Variants in SH3GL2 observed in about 807,000 individuals in gnomAD.
SH3GL2 encodes the protein endophilin-A1.
Under a neutral mutation model 46.0 loss-of-function variants are expected in SH3GL2, and 24 were observed. That is an observed-to-expected ratio of 0.52 (90% CI 0.38 to 0.73). SH3GL2 has a LOEUF of 0.73. Ranked by LOEUF, SH3GL2 falls within the 30% of genes least tolerant of loss-of-function variation. SH3GL2 has a pLI of 0.00. For missense variants in SH3GL2, 413 were observed against 424.2 expected (o/e 0.97, Z 0.23); for synonymous variants, 196 against 147.1 (o/e 1.33, Z -2.40).
At chr9:17,652,862 A>G (rs1397865855) in intron 1 of SH3GL2, among the ~76,000 whole-genome samples, 1 of 152,006 alleles carries the variant, frequency 6.6e-6, no homozygotes, top group Non-Finnish European at 1.5e-5. Context: ...ACTTCCTTCT[A>G]TATTTTGTGG....
At chr9:17,646,992 G>T (rs1284264634) in intron 1 of SH3GL2, among the ~76,000 whole-genome samples, 4 of 152,134 alleles carry the variant, frequency 2.6e-5, no homozygotes, top group Non-Finnish European at 5.9e-5. Flanking sequence ...CCTTCCCCCA[G>T]TTGTTCTGTC....
At chr9:17,726,054 GAA>G (rs1822013340) in intron 1 of SH3GL2, among the ~76,000 whole-genome samples, 1 of 152,124 alleles carries the variant, frequency 6.6e-6, no homozygotes, top group Non-Finnish European at 1.5e-5. Context: ...ATATTTTCTT[GAA>G]GAGATGTTTC....
At chr9:17,613,186 C>G (rs537111213) in intron 1 of SH3GL2, among the ~76,000 whole-genome samples, 1 of 152,188 alleles carries the variant, frequency 6.6e-6, no homozygotes, top group East Asian at 1.9e-4. Flanking sequence ...TCTGATGCCA[C>G]GTACTCTAGA....
intron 1 of SH3GL2, among the ~76,000 whole-genome samples, chr9:17,661,159 C>A (rs1419389030): frequency 6.6e-6 from 1 of 151,682 alleles, no homozygotes; most frequent in African/African-American, 2.4e-5. Flanking sequence ...AAGACTCCGT[C>A]TCAAAAAACA....
chr9:17,780,437 GT>G (rs1445735940), intron 3 of SH3GL2, among the ~76,000 whole-genome samples: 2 of 147,494 alleles, frequency 1.4e-5, no homozygotes, highest in African/African-American at 2.5e-5. Flanking sequence ...GCATTTAGGT[GT>G]TTGCATTTTC....
intron 3 of SH3GL2, among the ~76,000 whole-genome samples, chr9:17,767,743 G>A (rs1823354713): frequency 6.6e-6 from 1 of 152,238 alleles, no homozygotes. Context: ...TCCTGGCAAT[G>A]AAAAATAATC....
rs146672896 is a variant in SH3GL2 at position 17,641,972 on chromosome 9, G to T, written c.45+62685G>T. Among the ~76,000 whole-genome samples the T allele has an allele frequency of 6.7e-3, 1,025 of 152,120 alleles. 14 individuals are homozygous for T. Among genetic ancestry groups the T allele is most frequent in the African/African-American group, 0.023 (960 of 41,476 alleles). The stretch of plus-strand genomic sequence containing the variant: ...TATATACCCACTAATGGGATTGCTG[G>T]GTCAAATGGTATTTCTAGTTCTAGA... On this transcript the variant is annotated intron_variant, in intron 1 of 8. Coordinates refer to ENST00000380607, the MANE Select transcript of SH3GL2 (RefSeq NM_003026.5).
intron 1 of SH3GL2, among the ~76,000 whole-genome samples, chr9:17,710,150 C>G (rs1255777677): frequency 6.6e-6 from 1 of 151,912 alleles, no homozygotes; most frequent in African/African-American, 2.4e-5. Flanking sequence ...AGTTACCATT[C>G]AATTGTGAGT....
At chr9:17,670,078 C>G (rs893278506) in intron 1 of SH3GL2, among the ~76,000 whole-genome samples, 3 of 152,094 alleles carry the variant, frequency 2.0e-5, no homozygotes, top group Non-Finnish European at 4.4e-5. Context: ...CTGGAAGCCC[C>G]TACCCCAATC....
chr9:17,713,240 A>G (rs1821675551), intron 1 of SH3GL2, among the ~76,000 whole-genome samples: 1 of 151,582 alleles, frequency 6.6e-6, no homozygotes, highest in South Asian at 2.1e-4. Flanking sequence ...AATTTGTAGA[A>G]TCTGTAGTGA....
At chr9:17,751,561 T>C (rs2383047) in intron 2 of SH3GL2, among the ~76,000 whole-genome samples, 123,347 of 151,684 alleles carry the variant, frequency 0.81, 50,259 homozygotes, top group East Asian at 0.91. Context: ...TTGACCCCCT[T>C]GTTCCCACCG....
chr9:17,681,394 G>A (rs901748357), intron 1 of SH3GL2, among the ~76,000 whole-genome samples: 24 of 152,136 alleles, frequency 1.6e-4, no homozygotes, highest in Admixed American at 1.0e-3. Context: ...TGATTTATCA[G>A]CAAAAATACA....
chr9:17,593,479 G>A (rs1415212494), intron 1 of SH3GL2, among the ~76,000 whole-genome samples: 1 of 152,198 alleles, frequency 6.6e-6, no homozygotes, highest in African/African-American at 2.4e-5. Context: ...CACAGAAATA[G>A]TCTGTGCTGG....
intron 1 of SH3GL2, among the ~76,000 whole-genome samples, chr9:17,619,358 T>A (rs1006196609): frequency 6.6e-6 from 1 of 152,174 alleles, no homozygotes; most frequent in Non-Finnish European, 1.5e-5. Flanking sequence ...AAAACCTGAT[T>A]GTTGAATGGC....
At chr9:17,697,087 T>C (rs1821222092) in intron 1 of SH3GL2, among the ~76,000 whole-genome samples, 2 of 152,016 alleles carry the variant, frequency 1.3e-5, no homozygotes, top group South Asian at 4.1e-4. Flanking sequence ...CACCACAGGG[T>C]ATTAGAGAGG....
chr9:17,617,519 C>T (rs868172681), intron 1 of SH3GL2, among the ~76,000 whole-genome samples: 16 of 152,150 alleles, frequency 1.1e-4, no homozygotes, highest in Admixed American at 7.9e-4. Context: ...AAAGGCTTAA[C>T]GTGCTCATGT....
intron 1 of SH3GL2, among the ~76,000 whole-genome samples, chr9:17,682,609 C>G (rs1435708911): frequency 6.6e-6 from 1 of 151,540 alleles, no homozygotes; most frequent in Non-Finnish European, 1.5e-5. Flanking sequence ...GTGCAGCAGA[C>G]CACCATGGTA....
At chr9:17,734,830 T>C (rs1229622906) in intron 1 of SH3GL2, among the ~76,000 whole-genome samples, 1 of 152,124 alleles carries the variant, frequency 6.6e-6, no homozygotes. Context: ...CAGTGAAGGC[T>C]GTAAAAAAAT....
intron 1 of SH3GL2, among the ~76,000 whole-genome samples, chr9:17,719,406 T>C (rs981864358): frequency 5.3e-5 from 8 of 152,182 alleles, no homozygotes; most frequent in African/African-American, 1.7e-4. Context: ...CAGAGCAGCT[T>C]ATAAATATGA....
Sources: gnomAD v4.1 joint callset for allele counts (sites outside exome capture counted in the v4.1 genomes callset) on GRCh38, gnomAD v4.1.1 for gene constraint, MANE v1.5 for transcripts, NCBI Gene and HGNC (gene_info 2026-07-23, HGNC 2026-07-21) for gene names.